DHX37: variants seen among roughly 807,000 people sequenced by gnomAD.
DHX37 encodes DEAH-box helicase 37.
A neutral mutation model predicts 134.3 loss-of-function variants in DHX37; 52 were observed. That is an observed-to-expected ratio of 0.39 (90% CI 0.31 to 0.49). DHX37 has a LOEUF of 0.49. Ranked by LOEUF, DHX37 falls within the 20% of genes least tolerant of loss-of-function variation. The pLI, the probability that DHX37 is intolerant of heterozygous loss-of-function variation, is 0.93. For synonymous variants in DHX37, 634 were observed against 670.7 expected (o/e 0.95, Z 0.85); for missense variants, 1,344 against 1,580.8 (o/e 0.85, Z 2.54).
At chr12:124,973,642 T>TA (rs200784754) in intron 6 of DHX37, among the ~76,000 whole-genome samples, 4,865 of 143,248 alleles carry the variant, frequency 0.034, 379 homozygotes, top group African/African-American at 0.12. Flanking sequence ...CCAACGCTTT[T>TA]TTTTTTTTTT....
At chr12:124,958,157 C>T (rs7295161) in intron 16 of DHX37, among the ~76,000 whole-genome samples, 62,531 of 152,116 alleles carry the variant, frequency 0.41, 15,724 homozygotes, top group African/African-American at 0.7. Flanking sequence ...TGGTGATGTC[C>T]GCACAACTTT....
At chr12:124,961,273 T>TGCACACACATACACGCGTGCAC (rs1555275484) in intron 15 of DHX37, among the ~76,000 whole-genome samples, 1 of 102,654 alleles carries the variant, frequency 9.7e-6, no homozygotes, top group African/African-American at 3.8e-5. Context: ...CATACACGCG[T>TGCACACACATACACGCGTGCAC]GCACGCACAC....
At chr12:124,955,687 A>G (rs1954078502) in intron 18 of DHX37, among the ~76,000 whole-genome samples, 1 of 152,056 alleles carries the variant, frequency 6.6e-6, no homozygotes, top group Middle Eastern at 3.2e-3. Flanking sequence ...TCAAATTAAA[A>G]CTCTGTCCGT....
chr12:124,959,032 C>CCCAAGTAG (rs71092249), intron 16 of DHX37, among the ~76,000 whole-genome samples: 21,753 of 148,444 alleles, frequency 0.15, 4,295 homozygotes, highest in African/African-American at 0.46. Flanking sequence ...GCCTCAGCCT[C>CCCAAGTAG]CCAAGTAGCT....
At chr12:124,961,719 G>A (rs890056178) in intron 15 of DHX37, among the ~76,000 whole-genome samples, 2 of 152,124 alleles carry the variant, frequency 1.3e-5, no homozygotes, top group Admixed American at 6.6e-5. Context: ...GAGCCATGGC[G>A]CCTGGCCTAA....
intron 5 of DHX37, 143 bp downstream of exon 5, chr12:124,977,199 G>A: frequency 1.9e-6 from 2 of 1,042,922 alleles, no homozygotes; most frequent in Non-Finnish European, 2.6e-6. Context: ...GCCCAGAGAG[G>A]TTAAGTAGCT....
chr12:124,969,289 G>C (rs1001837650), intron 8 of DHX37, among the ~76,000 whole-genome samples: 1 of 152,148 alleles, frequency 6.6e-6, no homozygotes, highest in Non-Finnish European at 1.5e-5. Flanking sequence ...GGGGGCTCAG[G>C]GAAGAGCTGC....
Position 124,986,227 on chromosome 12 carries a change from G to T in DHX37, c.145C>A (p.Leu49Ile), listed in dbSNP as rs774059913. The T allele has an allele frequency of 6.2e-7, 1 of 1,613,992 alleles. No homozygotes were observed. Reference protein sequence around the residue: ...TLKGVDASNALVLPGKKKKKT... With the variant: ...TLKGVDASNAIVLPGKKKKKT... ...TTTTTCTTCTTCCCCGGTAGAACGA[G>T]CGCGTTGCTTGCATCAACTCCCTTC... Residue 49 changes from leucine (L) to isoleucine (I), a missense_variant, in exon 2 of 27, where the codon CTC becomes ATC. This residue lies in a region of DHX37 where 319 missense variants were observed against 296.1 expected (regional missense o/e 1.08). Transcript: ENST00000308736.
intron 1 of DHX37, among the ~76,000 whole-genome samples, chr12:124,986,600 A>G (rs1954878096): frequency 6.6e-6 from 1 of 151,656 alleles, no homozygotes; most frequent in African/African-American, 2.4e-5. Flanking sequence ...AATCCCAGCT[A>G]TTTGGGAGGC....
At chr12:124,966,574 A>G (rs564421364) in intron 12 of DHX37, among the ~76,000 whole-genome samples, 2 of 152,044 alleles carry the variant, frequency 1.3e-5, no homozygotes, top group East Asian at 3.9e-4. Context: ...ATGTTGCCCA[A>G]GCTGGTCTCA....
chr12:124,972,707 G>T, intron 6 of DHX37, 108 bp from the exon 7 acceptor site: 3 of 1,012,960 alleles, frequency 3.0e-6, no homozygotes, highest in Non-Finnish European at 4.6e-6. Context: ...TGAGGGCAGG[G>T]CCCGCTGGCA....
chr12:124,985,838 A>G (rs1309692192), intron 2 of DHX37, among the ~76,000 whole-genome samples: 2 of 151,742 alleles, frequency 1.3e-5, no homozygotes, highest in South Asian at 2.1e-4. Flanking sequence ...AAAAAAAAAA[A>G]AAGAAGAAAA....
chr12:124,947,716 C>A lies in DHX37; in HGVS notation c.*86G>T, dbSNP rs1029018449. 4.1e-6 allele frequency: 6 copies of A among 1,465,388 alleles called. No individual in the cohort carries two copies. In the African/African-American group the frequency reaches 8.4e-5, roughly 21 times the overall value. 90.8% of individuals were successfully genotyped at this position (1,465,388 alleles called of 1,614,324 possible). A position where few individuals can be genotyped will look rare whatever the true frequency, so the allele number is the denominator to read the frequency against. ...CTGAGAGCAGGCCACGAAGCCCATG[C>A]CAGGTGGTCACGGTCGCACGGTGAC... On this transcript the variant is annotated 3_prime_UTR_variant, in exon 27 of 27. Transcript: ENST00000308736.
At chr12:124,954,379 C>T (rs1034552723) in intron 18 of DHX37, among the ~76,000 whole-genome samples, 168 bp from the exon 19 acceptor site, 2 of 152,164 alleles carry the variant, frequency 1.3e-5, no homozygotes, top group African/African-American at 4.8e-5. Context: ...TGGCAGCCAC[C>T]GCTGCACTGT....
Position 124,960,321 on chromosome 12 carries a change from G to A in DHX37, c.2148C>T (p.Asn716=), listed in dbSNP as rs766329234. 7.4e-6 allele frequency: 12 copies of A among 1,613,408 alleles called. No homozygotes were observed. Among genetic ancestry groups the A allele is most frequent in the South Asian group, 5.5e-5 (5 of 91,066 alleles). Residue 716 remains asparagine, a synonymous_variant, in exon 16 of 27, where the codon AAC becomes AAT. Coordinates refer to ENST00000308736, the MANE Select transcript of DHX37 (RefSeq NM_032656.4). ...EDLILQMKAL[N]VEKVINFPFP... ...GGGGGCAGCAACTGACCTTTTCAAC[G>A]TTGAGCGCCTTCATTTGAAGGATTA...
Position 124,964,923 on chromosome 12 carries a change from C to G in DHX37, c.1812+7G>C, listed in dbSNP as rs369326344. ...CCAAAAGCTGGGCACCGGCCCAGCA[C>G]GGTTACCTGTGCTTGCTTCTCTGGG... is the stretch of plus-strand genomic sequence containing the variant. On this transcript the variant is annotated splice_region_variant and intron_variant, in intron 14 of 26. Coordinates refer to ENST00000308736, the MANE Select transcript of DHX37 (RefSeq NM_032656.4). The G allele has an allele frequency of 5.7e-6, 9 of 1,586,422 alleles. No individual in the cohort carries two copies. The South Asian group carries it at 9.2e-5, about 16-fold the overall frequency.
rs138541002 is a variant in DHX37, at chr12:124,968,165, G to A, written c.1408+369C>T. Among the ~76,000 whole-genome samples, 23 of 152,174 alleles carry A rather than the reference G, an allele frequency of 1.5e-4. No homozygotes were observed. The East Asian group carries it at 3.3e-3, about 22-fold the overall frequency. On this transcript the variant is annotated intron_variant, in intron 10 of 26. Transcript: ENST00000308736. ...ATTTCAGTAACATGAGGTGGGTAAC[G>A]GAGCAGGTATGATGGGGACAAGGCA...
At position 124,980,482 on chromosome 12, in the gene DHX37, T is replaced by C. The variant is rs976860826; in HGVS notation, c.738+8A>G. 2.4e-5 allele frequency: 38 copies of C among 1,605,070 alleles called. No individual in the cohort carries two copies. The highest frequency in any genetic ancestry group is 3.1e-5 in the Non-Finnish European group (36 of 1,177,656). On this transcript the variant is annotated splice_region_variant and intron_variant, in intron 4 of 26. Transcript: ENST00000308736. The surrounding 1 kb of genome is among the most constrained non-coding windows in gnomAD (Gnocchi z 5.3). Reference sequence around the variant, plus strand: ...TAGATTCTTAATCACAAACACGGGGTGGCGAACCTGCATTTCCGGGGAGCG... The same window carrying C: ...TAGATTCTTAATCACAAACACGGGGCGGCGAACCTGCATTTCCGGGGAGCG...
chr12:124,977,487 C>T lies in DHX37; in HGVS notation c.742G>A (p.Glu248Lys), dbSNP rs771396530. Residue 248 changes from glutamate to lysine, a missense_variant, in exon 5 of 27, where the codon GAA becomes AAA. By Grantham distance (56) the Glu-to-Lys change is moderately conservative. This residue lies in a region of DHX37 where 77 missense variants were observed against 121.6 expected (regional missense o/e 0.63). Coordinates refer to ENST00000308736, the MANE Select transcript of DHX37 (RefSeq NM_032656.4). ...GAGAGAATTGGGAGCTTCAGCCGTT[C>T]CTCCTGGAAGGAGAGGAAGTCAGCA... is the stretch of plus-strand genomic sequence containing the variant. ...PVNRSPEMQE[E>K]RLKLPILSEE... 1.3e-6 allele frequency: 2 copies of T among 1,594,832 alleles called. No homozygotes were observed. Among genetic ancestry groups the T allele is most frequent in the Admixed American group, 1.8e-5 (1 of 55,480 alleles).
Sources: gnomAD v4.1 joint callset for allele counts (sites outside exome capture counted in the v4.1 genomes callset) on GRCh38, gnomAD v4.1.1 for gene constraint, gnomAD v4.1.1 regional missense constraint, Gnocchi (gnomAD v3.1) non-coding constraint, MANE v1.5 for transcripts, NCBI Gene and HGNC (gene_info 2026-07-23, HGNC 2026-07-21) for gene names.